PPM1L: variants seen among roughly 807,000 people sequenced by gnomAD.
PPM1L encodes protein phosphatase 1L.
Under a neutral mutation model 31.4 loss-of-function variants are expected in PPM1L, and 13 were observed. The ratio of observed to expected loss-of-function variants is 0.41; its 90% confidence interval spans 0.27 to 0.66. PPM1L has a LOEUF of 0.66. PPM1L is among the 30% of genes least tolerant of loss of function. The probability of loss-of-function intolerance (pLI) is 0.29; values close to 1 mark genes in which losing one functional copy is unlikely to be tolerated. For missense variants in PPM1L, 326 were observed against 453.7 expected, an observed-to-expected ratio of 0.72 and a Z score of 2.56; for synonymous variants, 184 against 175.4, an observed-to-expected ratio of 1.05 and a Z score of -0.39.
chr3:160,957,521 C>T (rs1228450968), intron 1 of PPM1L, among the ~76,000 whole-genome samples: 1 of 151,610 alleles, frequency 6.6e-6, no homozygotes, highest in African/African-American at 2.4e-5. Flanking sequence ...CTCCCACCAG[C>T]AGTGTAAAAG....
At chr3:161,051,313 G>A (rs9840600) in intron 2 of PPM1L, among the ~76,000 whole-genome samples, 70,070 of 151,636 alleles carry the variant, frequency 0.46, 17,209 homozygotes, top group East Asian at 0.71. Context: ...AAAACACCGA[G>A]TACTTTGTAC....
chr3:161,048,276 A>G (rs1391739290), intron 2 of PPM1L, among the ~76,000 whole-genome samples: 1 of 152,240 alleles, frequency 6.6e-6, no homozygotes, highest in Non-Finnish European at 1.5e-5. Context: ...GAAAGATATG[A>G]ACAGACACTT....
intron 1 of PPM1L, among the ~76,000 whole-genome samples, chr3:160,809,943 G>A (rs1223456256): frequency 2.0e-5 from 3 of 152,072 alleles, no homozygotes; most frequent in Non-Finnish European, 4.4e-5. Context: ...TTCTTCAGAG[G>A]TAAAAAGAGG....
chr3:160,900,666 T>C (rs913186526), intron 1 of PPM1L, among the ~76,000 whole-genome samples: 11 of 152,116 alleles, frequency 7.2e-5, no homozygotes, highest in African/African-American at 2.7e-4. Flanking sequence ...TGTGGCTATA[T>C]TTATAGCCAC....
chr3:160,941,478 G>A (rs1715160993), intron 1 of PPM1L, among the ~76,000 whole-genome samples: 1 of 152,174 alleles, frequency 6.6e-6, no homozygotes, highest in South Asian at 2.1e-4. Flanking sequence ...ATGGGGGCCA[G>A]TGTTTCTCAT....
At chr3:160,963,583 T>A (rs1308299729) in intron 2 of PPM1L, among the ~76,000 whole-genome samples, 2 of 152,008 alleles carry the variant, frequency 1.3e-5, no homozygotes, top group African/African-American at 4.8e-5. Context: ...TGGCTGAAAT[T>A]TTCCATGAAA....
intron 1 of PPM1L, among the ~76,000 whole-genome samples, chr3:160,849,259 C>T (rs1247132387): frequency 2.0e-5 from 3 of 152,094 alleles, no homozygotes; most frequent in Non-Finnish European, 4.4e-5. Flanking sequence ...CTTTGGATTA[C>T]CCTAGACCTA....
chr3:161,026,841 G>A (rs1718413297), intron 2 of PPM1L, among the ~76,000 whole-genome samples: 1 of 152,164 alleles, frequency 6.6e-6, no homozygotes, highest in African/African-American at 2.4e-5. Context: ...ATTCACATAG[G>A]CCATGCCAAT....
chr3:161,043,555 G>A (rs1718970158), intron 2 of PPM1L, among the ~76,000 whole-genome samples: 1 of 152,208 alleles, frequency 6.6e-6, no homozygotes, highest in Non-Finnish European at 1.5e-5. Context: ...CACTTCTAGG[G>A]TGGTGCCCAG....
At chr3:160,812,020 G>C (rs1712823792) in intron 1 of PPM1L, among the ~76,000 whole-genome samples, 1 of 152,172 alleles carries the variant, frequency 6.6e-6, no homozygotes, top group Non-Finnish European at 1.5e-5. Context: ...TCTGGACTAT[G>C]GCATTGCTAT....
rs567893467 is a variant in PPM1L, at chr3:160,771,188, C to T, written c.399+14481C>T. ...ATTTGTAAATGGTACCATTTCACTA[C>T]ACCTTCTATAAAGTAATAGAATAAG... On this transcript the variant is annotated intron_variant, in intron 1 of 3. Coordinates refer to ENST00000498165, the MANE Select transcript of PPM1L (RefSeq NM_139245.4). 9.2e-5 allele frequency among the ~76,000 whole-genome samples: 14 copies of T among 152,234 alleles called. No homozygotes were observed. In the South Asian group the frequency reaches 2.7e-3, roughly 29 times the overall value.
chr3:160,940,419 A>G (rs1017608644), intron 1 of PPM1L, among the ~76,000 whole-genome samples: 2 of 152,168 alleles, frequency 1.3e-5, no homozygotes, highest in African/African-American at 4.8e-5. Context: ...AGCCCCTCCC[A>G]TCACAGGCCT....
At chr3:160,797,902 G>A (rs572998516) in intron 1 of PPM1L, among the ~76,000 whole-genome samples, 22 of 152,278 alleles carry the variant, frequency 1.4e-4, no homozygotes, top group African/African-American at 5.1e-4. Context: ...AAGGTGGGCC[G>A]GGCACAGTGG....
chr3:160,864,612 C>G (rs1302298340), intron 1 of PPM1L, among the ~76,000 whole-genome samples: 4 of 152,194 alleles, frequency 2.6e-5, no homozygotes, highest in Non-Finnish European at 5.9e-5. Flanking sequence ...TTTATCAGTT[C>G]TTTCACAGAT....
Position 160,911,687 on chromosome 3 carries a change from C to T in PPM1L, c.400-50049C>T, listed in dbSNP as rs145747692. ...ACTAGCATTGCCTTCTAGCCTAGAC[C>T]CTCACAAGACAGGAGTCCTGCCAAG... On this transcript the variant is annotated intron_variant, in intron 1 of 3. Coordinates refer to ENST00000498165, the MANE Select transcript of PPM1L (RefSeq NM_139245.4). 1.8e-3 allele frequency among the ~76,000 whole-genome samples: 278 copies of T among 152,222 alleles called. 1 individual carries two copies. The highest frequency in any genetic ancestry group is 6.2e-3 in the African/African-American group (259 of 41,536).
At chr3:160,973,354 C>T (rs1716416816) in intron 2 of PPM1L, among the ~76,000 whole-genome samples, 1 of 152,136 alleles carries the variant, frequency 6.6e-6, no homozygotes, top group South Asian at 2.1e-4. Context: ...ATAATTGGAC[C>T]AGGTGGTCAT....
At chr3:160,903,749 G>A (rs1388861153) in intron 1 of PPM1L, among the ~76,000 whole-genome samples, 1 of 152,026 alleles carries the variant, frequency 6.6e-6, no homozygotes, top group African/African-American at 2.4e-5. Context: ...AAAGGGAGAG[G>A]GATAAAGGTG....
intron 1 of PPM1L, among the ~76,000 whole-genome samples, chr3:160,785,866 CAT>C (rs1015602516): frequency 6.8e-6 from 1 of 147,804 alleles, no homozygotes; most frequent in Admixed American, 6.8e-5. Flanking sequence ...GTCTTTCCCA[CAT>C]GTGTATATTT....
chr3:160,891,997 G>C (rs181457700), intron 1 of PPM1L, among the ~76,000 whole-genome samples: 23 of 152,218 alleles, frequency 1.5e-4, no homozygotes, highest in Non-Finnish European at 2.5e-4. Context: ...GGCCTGTCAG[G>C]GGGTGGAGGG....
Sources: allele counts gnomAD v4.1 joint callset (sites outside exome capture counted in the v4.1 genomes callset), GRCh38; gene constraint gnomAD v4.1.1; transcripts MANE v1.5; gene names NCBI Gene and HGNC (gene_info 2026-07-23, HGNC 2026-07-21).